Variants in KIAA0513 observed in about 807,000 individuals in gnomAD.
KIAA0513 encodes the protein uncharacterized protein KIAA0513.
Under a neutral mutation model 56.5 loss-of-function variants are expected in KIAA0513, and 39 were observed. The ratio of observed to expected loss-of-function variants is 0.69; its 90% confidence interval spans 0.53 to 0.90. KIAA0513 has a LOEUF of 0.90. KIAA0513 is among the 40% of genes least tolerant of loss of function. KIAA0513 has a pLI of 0.00. For missense variants in KIAA0513, 591 were observed against 535.2 expected (o/e 1.10, Z -1.03); for synonymous variants, 268 against 215.6 (o/e 1.24, Z -2.13).
At chr16:85,054,536 T>A (rs926583216) in intron 1 of KIAA0513, among the ~76,000 whole-genome samples, 1 of 151,074 alleles carries the variant, frequency 6.6e-6, no homozygotes, top group East Asian at 2.0e-4. Flanking sequence ...GTTCAAGCAG[T>A]TCTCTGTCTC....
At position 85,088,383 on chromosome 16, in the gene KIAA0513, A is replaced by C; in HGVS notation, c.*58A>C. On this transcript the variant is annotated 3_prime_UTR_variant, in exon 13 of 13. Coordinates refer to ENST00000683363, the MANE Select transcript of KIAA0513 (RefSeq NM_001388359.1). ...GGCCATGTGCCATTCTCCCGGGCCC[A>C]GCGCCCGGCCGTCACCCCACCCGAT... The C allele has an allele frequency of 6.7e-7, 1 of 1,499,190 alleles. No homozygotes were observed. Among genetic ancestry groups the C allele is most frequent in the South Asian group, 1.1e-5 (1 of 88,890 alleles). The allele number at this position is 1,499,190 out of a possible 1,614,324, so 92.9% of individuals were successfully genotyped here.
intron 1 of KIAA0513, among the ~76,000 whole-genome samples, chr16:85,041,626 C>T (rs567146105): frequency 8.5e-5 from 13 of 152,298 alleles, no homozygotes; most frequent in Middle Eastern, 3.4e-3. Flanking sequence ...TCTCGCTACT[C>T]GGGCGCTGCC....
rs985599291 is a variant in KIAA0513, at chr16:85,091,989, C to T, written c.*3664C>T. On this transcript the variant is annotated 3_prime_UTR_variant, in exon 13 of 13. Coordinates refer to ENST00000683363, the MANE Select transcript of KIAA0513 (RefSeq NM_001388359.1). The stretch of plus-strand genomic sequence containing the variant: ...CGGAGTTTTGCTCTTGTTGCCCAGG[C>T]TGGAGTGCAGTGACACAATCTCTAC... The T allele has an allele frequency of 6.8e-6, 1 of 146,640 alleles. No homozygotes were observed. The highest frequency in any genetic ancestry group is 2.6e-5 in the African/African-American group (1 of 38,942). 9.1% of individuals were successfully genotyped at this position (146,640 alleles called of 1,614,324 possible). A position where few individuals can be genotyped will look rare whatever the true frequency, so the allele number is the denominator to read the frequency against.
chr16:85,052,973 C>G (rs1287518972), intron 1 of KIAA0513, among the ~76,000 whole-genome samples: 2 of 152,092 alleles, frequency 1.3e-5, no homozygotes, highest in Non-Finnish European at 2.9e-5. Flanking sequence ...TCACTGCAAC[C>G]TCCTCCCAGG....
intron 1 of KIAA0513, among the ~76,000 whole-genome samples, chr16:85,057,464 G>A (rs1221289255): frequency 1.3e-5 from 2 of 152,244 alleles, no homozygotes; most frequent in African/African-American, 4.8e-5. Flanking sequence ...TATGGCAGGT[G>A]TGGAGGAAGG....
chr16:85,089,006 GC>G lies in KIAA0513; in HGVS notation c.*684del, dbSNP rs1196951235. On this transcript the variant is annotated 3_prime_UTR_variant, in exon 13 of 13. Coordinates refer to ENST00000683363, the MANE Select transcript of KIAA0513 (RefSeq NM_001388359.1). This position sits in a 1 kb window ranked among gnomAD's most constrained non-coding sequence, Gnocchi z 4.2. ...AGGGACGTGTGTGTGCCTGCAGACG[GC>G]CCGGGAGCTGTGTGTCTCCGCCAGA... The G allele has an allele frequency of 1.3e-5, 2 of 152,360 alleles. No homozygotes were observed. Among genetic ancestry groups the G allele is most frequent in the African/African-American group, 2.4e-5 (1 of 41,458 alleles). 9.4% of individuals were successfully genotyped at this position (152,360 alleles called of 1,614,324 possible).
chr16:85,057,763 G>T (rs28546818), intron 1 of KIAA0513, among the ~76,000 whole-genome samples: 4,341 of 144,524 alleles, frequency 0.03, 123 homozygotes, highest in African/African-American at 0.075. Flanking sequence ...TCTGCTTTTT[G>T]TTTTTGTTTT....
chr16:85,030,252 T>C (rs770431961), intron 1 of KIAA0513, among the ~76,000 whole-genome samples: 1 of 152,162 alleles, frequency 6.6e-6, no homozygotes, highest in Non-Finnish European at 1.5e-5. Flanking sequence ...TGTTTCCAAA[T>C]AGCCCAGGTG....
At chr16:85,049,715 A>G (rs143008510) in intron 1 of KIAA0513, among the ~76,000 whole-genome samples, 9 of 152,266 alleles carry the variant, frequency 5.9e-5, no homozygotes, top group African/African-American at 2.2e-4. Flanking sequence ...TGCCAGCATC[A>G]TGCTTCCTGC....
At chr16:85,060,628 C>G (rs1230028976) in intron 1 of KIAA0513, among the ~76,000 whole-genome samples, 1 of 152,060 alleles carries the variant, frequency 6.6e-6, no homozygotes, top group South Asian at 2.1e-4. Flanking sequence ...TGCTGGGGCC[C>G]AGGAGTTTGA....
At chr16:85,045,140 C>CAA (rs71151264) in intron 1 of KIAA0513, among the ~76,000 whole-genome samples, 1 of 150,354 alleles carries the variant, frequency 6.7e-6, no homozygotes, top group African/African-American at 2.4e-5. Flanking sequence ...TAATAAATGA[C>CAA]AAAAAAAAAG....
rs141379285 is a variant in KIAA0513 at position 85,079,303 on chromosome 16, G to A, written c.902+300G>A. 3,164 of 393,484 alleles carry A rather than the reference G, an allele frequency of 8.0e-3. 22 individuals carry two copies. The highest frequency in any genetic ancestry group is 0.041 in the Middle Eastern group (57 of 1,378). 24.4% of individuals were successfully genotyped at this position (393,484 alleles called of 1,614,324 possible). On this transcript the variant is annotated intron_variant, in intron 8 of 12. Transcript: ENST00000683363. ...CCCAGCAGCTCCACTCCTAGGAGTC[G>A]CCCAAGAGAAAAACATGTCCTCACA...
At chr16:85,060,559 C>G (rs928226549) in intron 1 of KIAA0513, among the ~76,000 whole-genome samples, 30 of 152,178 alleles carry the variant, frequency 2.0e-4, no homozygotes, top group African/African-American at 7.2e-4. Context: ...GAAGGTCAGG[C>G]CAGGCACGGC....
chr16:85,035,857 C>G (rs1267912014), intron 1 of KIAA0513, among the ~76,000 whole-genome samples: 2 of 151,578 alleles, frequency 1.3e-5, no homozygotes, highest in Non-Finnish European at 2.9e-5. Flanking sequence ...GGCGGGTGCT[C>G]GTAGTCCAGC....
chr16:85,032,299 C>A (rs1178660293), intron 1 of KIAA0513, among the ~76,000 whole-genome samples: 1 of 152,236 alleles, frequency 6.6e-6, no homozygotes, highest in Admixed American at 6.5e-5. Flanking sequence ...CTTAAAAGGG[C>A]ACCAGTCGGA....
intron 12 of KIAA0513, among the ~76,000 whole-genome samples, chr16:85,087,753 T>C (rs962602416): frequency 6.6e-6 from 1 of 152,228 alleles, no homozygotes; most frequent in South Asian, 2.1e-4. Flanking sequence ...TGGGTACGGA[T>C]TGACCCATAT....
intron 12 of KIAA0513, among the ~76,000 whole-genome samples, 192 bp from the exon 13 acceptor site, chr16:85,088,084 C>A (rs1291038062): frequency 6.6e-6 from 1 of 152,256 alleles, no homozygotes; most frequent in East Asian, 1.9e-4. Flanking sequence ...GCTGTGTGTG[C>A]AATGCGCCCT....
In KIAA0513 at chr16:85,090,950, C is replaced by G. The variant is rs569320413; in HGVS notation, c.*2625C>G. The G allele has an allele frequency of 6.6e-6, 1 of 152,290 alleles. No homozygotes were observed. Among genetic ancestry groups the G allele is most frequent in the African/African-American group, 2.4e-5 (1 of 41,458 alleles). The allele number at this position is 152,290 out of a possible 1,614,324, so 9.4% of individuals were successfully genotyped here. On this transcript the variant is annotated 3_prime_UTR_variant, in exon 13 of 13. Coordinates refer to ENST00000683363, the MANE Select transcript of KIAA0513 (RefSeq NM_001388359.1). ...GGCTGTGGTGCAGAGCAAGCAGACC[C>G]AGCCACACTGCTCAAAGGTCCCTGC...
chr16:85,067,320 C>A lies in KIAA0513; in HGVS notation c.249C>A (p.Ser83Arg). Residue 83 changes from serine to arginine, a missense_variant, in exon 2 of 13, where the codon AGC becomes AGA. By Grantham distance (110) the Ser-to-Arg change is moderately radical (BLOSUM62 -1). Coordinates refer to ENST00000683363, the MANE Select transcript of KIAA0513 (RefSeq NM_001388359.1). ...SSNESFSSNQ[S>R]TESTQDEETL... is the part of the protein sequence containing the mutation. ...ACGAGTCCTTCTCCTCCAACCAGAGCACCGAGTCTACCCAGGATGAAGAGA... is the reference window on the plus strand; with the variant it reads ...ACGAGTCCTTCTCCTCCAACCAGAGAACCGAGTCTACCCAGGATGAAGAGA... 1 of 1,611,916 alleles carries A rather than the reference C, an allele frequency of 6.2e-7. No homozygotes were observed. Among genetic ancestry groups the A allele is most frequent in the Non-Finnish European group, 8.5e-7 (1 of 1,179,822 alleles).
Sources: gnomAD v4.1 joint callset for allele counts (sites outside exome capture counted in the v4.1 genomes callset) on GRCh38, gnomAD v4.1.1 for gene constraint, Gnocchi (gnomAD v3.1) non-coding constraint, MANE v1.5 for transcripts, NCBI Gene and HGNC (gene_info 2026-07-23, HGNC 2026-07-21) for gene names.